GPAM: variants seen among roughly 807,000 people sequenced by gnomAD.
The protein encoded by GPAM is glycerol-3-phosphate acyltransferase 1, mitochondrial.
Under a neutral mutation model 105.0 loss-of-function variants are expected in GPAM, and 56 were observed. The ratio of observed to expected loss-of-function variants is 0.53; its 90% CI spans 0.43 to 0.67. GPAM has a LOEUF of 0.67. GPAM is among the 30% of genes least tolerant of loss of function. GPAM has a pLI of 0.00. For synonymous variants in GPAM, 368 were observed against 354.4 expected (o/e 1.04, Z -0.43); for missense variants, 855 against 989.8 (o/e 0.86, Z 1.83).
At chr10:112,164,490 G>T in intron 13 of GPAM, 35 bp downstream of exon 13, 2 of 1,024,274 alleles carry the variant, frequency 2.0e-6, no homozygotes, top group Non-Finnish European at 3.1e-6. Flanking sequence ...ATGTTTGGTA[G>T]CTTGATTAGC....
chr10:112,178,893 C>T (rs1847455561), intron 4 of GPAM, among the ~76,000 whole-genome samples: 1 of 152,124 alleles, frequency 6.6e-6, no homozygotes, highest in Non-Finnish European at 1.5e-5. Flanking sequence ...AATGAGAAAT[C>T]GTCTGTCTAC....
At chr10:112,201,627 T>C (rs1427191421) in intron 1 of GPAM, among the ~76,000 whole-genome samples, 1 of 152,242 alleles carries the variant, frequency 6.6e-6, no homozygotes, top group Non-Finnish European at 1.5e-5. Flanking sequence ...TTATTATTTT[T>C]AGACCTTAAC....
chr10:112,151,329 T>C lies in GPAM; in HGVS notation c.*2221A>G, dbSNP rs1846914806. The C allele has an allele frequency of 2.0e-6, 2 of 985,716 alleles. No homozygotes were observed. 61.1% of individuals were successfully genotyped at this position (985,716 alleles called of 1,614,324 possible). On this transcript the variant is annotated 3_prime_UTR_variant, in exon 22 of 22. Coordinates refer to ENST00000348367, the MANE Select transcript of GPAM (RefSeq NM_001244949.2). ...TCATTGTGAAGATGCTTTCGTTTTT[T>C]TGTTTTTTGTTTTCAGTCATGAGGC...
intron 14 of GPAM, among the ~76,000 whole-genome samples, chr10:112,162,409 C>G (rs1227501699): frequency 6.6e-6 from 1 of 152,156 alleles, no homozygotes; most frequent in African/African-American, 2.4e-5. Context: ...CTCTTTCAAC[C>G]TGACCCAGAG....
Position 112,175,713 on chromosome 10 carries a change from T to C in GPAM, c.300A>G (p.Arg100=). ...NVIYINETHT[R]HRGWLARRLS... The stretch of plus-strand genomic sequence containing the variant: ...GGCGTCTTGCAAGCCATCCGCGGTG[T>C]CTGTGAAAATGATTTAGCAGAGAAG... The change falls in exon 6 of 22, where the codon AGA becomes AGG. Residue 100 remains arginine (R), a splice_region_variant and synonymous_variant. Coordinates refer to ENST00000348367, the MANE Select transcript of GPAM (RefSeq NM_001244949.2). The C allele has an allele frequency of 6.3e-7, 1 of 1,589,818 alleles. No homozygotes were observed. The highest frequency in any genetic ancestry group is 8.6e-7 in the Non-Finnish European group (1 of 1,157,886).
In GPAM at chr10:112,195,420, C is replaced by T. The variant is rs112700881; in HGVS notation, n.211-12529G>A. Among the ~76,000 whole-genome samples the T allele has an allele frequency of 5.5e-4, 84 of 152,294 alleles. 1 individual carries two copies. Among genetic ancestry groups the T allele is most frequent in the African/African-American group, 2.0e-3 (83 of 41,554 alleles). On this transcript the variant is annotated intron_variant and non_coding_transcript_variant, in intron 1 of 3. Coordinates refer to the GPAM transcript ENST00000480130. ...AGCCACCCTGGCTTTCTTTCACTTC[C>T]CCACGAAAGCCAGGCTCTGCCCTTC...
At chr10:112,162,965 G>C (rs1443722569) in intron 14 of GPAM, among the ~76,000 whole-genome samples, 1 of 152,116 alleles carries the variant, frequency 6.6e-6, no homozygotes, top group African/African-American at 2.4e-5. Flanking sequence ...AGGTGAGGGA[G>C]GAAGACCTCC....
intron 1 of GPAM, among the ~76,000 whole-genome samples, chr10:112,208,072 C>T (rs1356289726): frequency 6.6e-6 from 1 of 152,180 alleles, no homozygotes; most frequent in African/African-American, 2.4e-5. Context: ...TTCCAGTGCC[C>T]TGGACCATGT....
At chr10:112,194,865 C>T (rs1267219836) in intron 1 of GPAM, among the ~76,000 whole-genome samples, 1 of 152,208 alleles carries the variant, frequency 6.6e-6, no homozygotes, top group Non-Finnish European at 1.5e-5. Context: ...ATCTCCTCAG[C>T]AGGCCAAGAA....
chr10:112,192,208 A>G (rs993168714), intron 1 of GPAM, among the ~76,000 whole-genome samples: 1 of 152,206 alleles, frequency 6.6e-6, no homozygotes, highest in African/African-American at 2.4e-5. Flanking sequence ...TTATCCATTC[A>G]TTCATAACAC....
At chr10:112,210,396 A>AAGTTG (rs1163184725) in intron 1 of GPAM, among the ~76,000 whole-genome samples, 4 of 152,152 alleles carry the variant, frequency 2.6e-5, no homozygotes, top group Admixed American at 1.3e-4. Flanking sequence ...GTGTGCCCTG[A>AAGTTG]AGTCTCATGC....
At chr10:112,204,559 T>C (rs1393831367) in intron 1 of GPAM, among the ~76,000 whole-genome samples, 1 of 151,740 alleles carries the variant, frequency 6.6e-6, no homozygotes, top group African/African-American at 2.4e-5. Context: ...TCCTATAAAC[T>C]GGGCATTAGG....
rs758383813 is a variant in GPAM at position 112,164,593 on chromosome 10, T to C, written c.1239A>G (p.Gln413=). 8 of 1,599,468 alleles carry C rather than the reference T, an allele frequency of 5.0e-6. No homozygotes were observed. The highest frequency in any genetic ancestry group is 1.1e-5 in the South Asian group (1 of 90,786). The stretch of plus-strand genomic sequence containing the variant: ...GTAGAGCAGACACCGGTTTCTGACT[T>C]TGGCTTTCTAAATATTCCTGGAGAA... ...PFSLKEYLES[Q]SQKPVSALLS... The change falls in exon 13 of 22, where the codon CAA becomes CAG. Residue 413 remains glutamine, a synonymous_variant. Coordinates refer to ENST00000348367, the MANE Select transcript of GPAM (RefSeq NM_001244949.2).
intron 1 of GPAM, among the ~76,000 whole-genome samples, chr10:112,192,853 A>G (rs1051008019): frequency 6.6e-6 from 1 of 152,256 alleles, no homozygotes; most frequent in Non-Finnish European, 1.5e-5. Flanking sequence ...GACTTGGTCA[A>G]CCAGGAAGAG....
chr10:112,173,201 TGTGTGCACATGCATG>T, intron 7 of GPAM, 135 bp from the exon 8 acceptor site: 2 of 698,500 alleles, frequency 2.9e-6, no homozygotes, highest in Admixed American at 2.0e-5. Context: ...TGACTTAGTG[TGTGTGCACATGCATG>T]CACGTATGTC....
chr10:112,187,571 C>T (rs973210761), upstream of GPAM, among the ~76,000 whole-genome samples: 3 of 151,996 alleles, frequency 2.0e-5, no homozygotes, highest in Non-Finnish European at 4.4e-5. Context: ...AAAAACTAAT[C>T]GAATTGCAAG....
Position 112,151,570 on chromosome 10 carries a change from A to C in GPAM, c.*1980T>G. 5.1e-6 allele frequency: 5 copies of C among 985,838 alleles called. No homozygotes were observed. Among genetic ancestry groups the C allele is most frequent in the Non-Finnish European group, 6.0e-6 (5 of 829,928 alleles). 61.1% of individuals were successfully genotyped at this position (985,838 alleles called of 1,614,324 possible). ...GCATCTGAACGTACTTCTAGAAAAC[A>C]AACCAACCAAAAGGGAAAATAATGC... On this transcript the variant is annotated 3_prime_UTR_variant, in exon 22 of 22. Transcript: ENST00000348367.
At position 112,160,037 on chromosome 10, in the gene GPAM, T is replaced by C. The variant is rs1264707695; in HGVS notation, c.1776A>G (p.Ala592=). Residue 592 remains alanine, a synonymous_variant, in exon 17 of 22, where the codon GCA becomes GCG. Coordinates refer to ENST00000348367, the MANE Select transcript of GPAM (RefSeq NM_001244949.2). ...CCCCCAGTCCCCTCTTGTTCAGAAC[T>C]GCATAAAGGCTGCAAGCTAAGAAAA... ...MEAIIACSLY[A]VLNKRGLGGP... 2 of 1,614,042 alleles carry C rather than the reference T, an allele frequency of 1.2e-6. No individual in the cohort carries two copies. Among genetic ancestry groups the C allele is most frequent in the African/African-American group, 1.3e-5 (1 of 75,030 alleles).
In GPAM at chr10:112,173,789, T is replaced by C. The variant is rs760952096; in HGVS notation, c.470A>G (p.Gln157Arg). The C allele has an allele frequency of 6.2e-7, 1 of 1,613,520 alleles. No individual in the cohort carries two copies. The highest frequency in any genetic ancestry group is 2.2e-5 in the East Asian group (1 of 44,870). Residue 157 changes from glutamine (Q) to arginine (R), a missense_variant, in exon 7 of 22, where the codon CAG becomes CGG. Physicochemically the swap from Gln to Arg is conservative, Grantham distance 43. Coordinates refer to ENST00000348367, the MANE Select transcript of GPAM (RefSeq NM_001244949.2). ...AAELNPDGSA[Q>R]QQSKAVNKVK... ...TTTGTTAACGGCTTTTGATTGCTGC[T>C]GGGCAGAACCATCAGGGTTTAATTC...
Sources: gnomAD v4.1 joint callset for allele counts (sites outside exome capture counted in the v4.1 genomes callset) on GRCh38, gnomAD v4.1.1 for gene constraint, MANE v1.5 for transcripts, NCBI Gene and HGNC (gene_info 2026-07-23, HGNC 2026-07-21) for gene names.